The following BCORL1 variants were observed in gnomAD, a reference collection of about 807,000 sequenced individuals.
The protein encoded by BCORL1 is BCL-6 corepressor-like protein 1.
A neutral mutation model predicts 87.6 loss-of-function variants in BCORL1; 7 were observed. The observed-to-expected ratio is 0.08, with a 90% CI of 0.05 to 0.15. The LOEUF is 0.15. Among genes scored for constraint, BCORL1 ranks in the 10% least tolerant of loss-of-function variants. The probability of loss-of-function intolerance (pLI) is 1.00; values close to 1 mark genes in which losing one functional copy is unlikely to be tolerated. For synonymous variants in BCORL1, 591 were observed against 634.4 expected, an observed-to-expected ratio of 0.93 and a Z score of 1.03; for missense variants, 1,215 against 1,499.7, an observed-to-expected ratio of 0.81 and a Z score of 3.13.
chrX:129,998,855 G>C (rs1007639855), intron 1 of BCORL1, among the ~76,000 whole-genome samples: 2 of 111,050 alleles, frequency 1.8e-5, no homozygotes, highest in African/African-American at 6.5e-5. Context: ...CTGTTAATTA[G>C]CAACAGTGGG....
At position 130,013,878 on chromosome X, in the gene BCORL1, C is replaced by T. The variant is rs1232843736; in HGVS notation, c.1106C>T (p.Thr369Ile). 2 of 1,164,050 alleles carry T rather than the reference C, an allele frequency of 1.7e-6. No homozygotes were observed. Among genetic ancestry groups the T allele is most frequent in the East Asian group, 3.3e-5 (1 of 30,748 alleles). The change falls in exon 4 of 14, where the codon ACC becomes ATC. Residue 369 changes from threonine (T) to isoleucine (I), a missense_variant. Around this residue, in one of 5 missense-constraint regions of BCORL1, gnomAD observed 861 missense variants for 1,010.0 expected, o/e 0.85. Transcript: ENST00000540052. The part of the protein sequence containing the change: ...TPTPSSGPPS[T>I]PTLIPAFAPT... ...ACCCCATCTTCCGGCCCACCTTCTA[C>T]CCCCACCCTCATCCCCGCCTTTGCT...
chrX:130,047,867 C>A (rs924390666), intron 11 of BCORL1, among the ~76,000 whole-genome samples: 1 of 111,627 alleles, frequency 9.0e-6, no homozygotes, highest in Admixed American at 9.5e-5. Flanking sequence ...AACTTATGCT[C>A]TCACTCCATA....
chrX:130,056,438 C>G lies in BCORL1; in HGVS notation c.*302C>G, dbSNP rs1199201479. 6 of 239,787 alleles carry G rather than the reference C, an allele frequency of 2.5e-5. No homozygotes were observed. 19.8% of individuals were successfully genotyped at this position (239,787 alleles called of 1,213,427 possible). On this transcript the variant is annotated 3_prime_UTR_variant, in exon 14 of 14. Coordinates refer to ENST00000540052, the MANE Select transcript of BCORL1 (RefSeq NM_001379451.1). ...GGAGGTGGCGCCGGGGTCCCTTGGA[C>G]TGGCCTCCTTGTTCATGACCAAGAC...
intron 1 of BCORL1, among the ~76,000 whole-genome samples, chrX:129,989,444 CTTTTTTTTTTTTTTTTTTTT>C (rs55654985): frequency 9.0e-4 from 16 of 17,774 alleles, no homozygotes; most frequent in Admixed American, 4.7e-3. Flanking sequence ...CCGCACCCGT[CTTTTTTTTTTTTTTTTTTTT>C]TTTTTTTTTT....
chrX:129,986,874 A>C (rs1467724847), intron 1 of BCORL1, among the ~76,000 whole-genome samples: 3 of 112,085 alleles, frequency 2.7e-5, no homozygotes, highest in African/African-American at 9.7e-5. Flanking sequence ...AAAAATGTTC[A>C]GTACAGGGAG....
chrX:129,986,420 G>A (rs777603909), intron 1 of BCORL1, among the ~76,000 whole-genome samples: 5 of 111,828 alleles, frequency 4.5e-5, no homozygotes, highest in African/African-American at 6.5e-5. Flanking sequence ...CCAGGAAAGC[G>A]TAGATAAAGA....
rs1183764425 is a variant in BCORL1 at position 130,014,758 on chromosome X, G to T, written c.1986G>T (p.Leu662=). 1 of 1,211,530 alleles carries T rather than the reference G, an allele frequency of 8.3e-7. No homozygotes were observed. The highest frequency in any genetic ancestry group is 1.8e-5 in the South Asian group (1 of 56,982). ...GCAAGGCCCTCCTCTCCACAGTCCT[G>T]TCTAGGTCTCAGCGCACAACCCAGG... ...TSSKALLSTV[L]SRSQRTTQAA... Residue 662 remains leucine, a synonymous_variant, in exon 4 of 14, where the codon CTG becomes CTT. Coordinates refer to ENST00000540052, the MANE Select transcript of BCORL1 (RefSeq NM_001379451.1).
At chrX:130,042,866 G>T (rs982755577) in intron 11 of BCORL1, among the ~76,000 whole-genome samples, 5 of 108,758 alleles carry the variant, frequency 4.6e-5, no homozygotes, top group Non-Finnish European at 3.8e-5. Flanking sequence ...CCAGCTACTC[G>T]GGAGGCTGAG....
At chrX:130,010,380 A>C (rs1176377276) in intron 2 of BCORL1, 2 of 111,164 alleles carry the variant, frequency 1.8e-5, no homozygotes, top group African/African-American at 6.6e-5. Flanking sequence ...GTGGTCTCTT[A>C]GGAGTTGATG....
chrX:130,005,632 T>TTGAGAC (rs1209101111), intron 2 of BCORL1, among the ~76,000 whole-genome samples: 6 of 110,878 alleles, frequency 5.4e-5, no homozygotes, highest in Non-Finnish European at 9.4e-5. Flanking sequence ...TTTTTGTTTT[T>TTGAGAC]TGAGACAGAG....
At chrX:129,983,025 C>CT (rs1303459675) in intron 1 of BCORL1, among the ~76,000 whole-genome samples, 1 of 109,357 alleles carries the variant, frequency 9.1e-6, no homozygotes, top group Non-Finnish European at 1.9e-5. Flanking sequence ...GGCCGCTCGG[C>CT]TTGCCCCCCG....
chrX:130,024,850 C>T (rs1930130432), intron 6 of BCORL1, 140 bp from the exon 7 acceptor site: 1 of 914,547 alleles, frequency 1.1e-6, no homozygotes, highest in Non-Finnish European at 1.5e-6. Flanking sequence ...AAGGAACTTT[C>T]CCGAACGGTA....
At chrX:129,988,850 A>G (rs1277173685) in intron 1 of BCORL1, among the ~76,000 whole-genome samples, 1 of 112,070 alleles carries the variant, frequency 8.9e-6, no homozygotes, top group Non-Finnish European at 1.9e-5. Flanking sequence ...GAGAACAAGC[A>G]GATTTTTGCT....
At chrX:130,023,629 G>A (rs1263151572) in intron 6 of BCORL1, among the ~76,000 whole-genome samples, 1 of 112,139 alleles carries the variant, frequency 8.9e-6, no homozygotes, top group Non-Finnish European at 1.9e-5. Context: ...TCTAGTAACC[G>A]GCACCTTAGC....
At chrX:130,026,397 A>T (rs1178975660) in intron 7 of BCORL1, among the ~76,000 whole-genome samples, 1 of 112,600 alleles carries the variant, frequency 8.9e-6, no homozygotes, top group Admixed American at 9.4e-5. Flanking sequence ...TCTACGCTCA[A>T]GAGAGTAATT....
In BCORL1 at chrX:130,003,434, A is replaced by G. The variant is rs138749142; in HGVS notation, c.-44-1754A>G. Among the ~76,000 whole-genome samples, 193 of 103,984 alleles carry G rather than the reference A, an allele frequency of 1.9e-3. No homozygotes were observed. The Middle Eastern group carries it at 0.03, about 16-fold the overall frequency. 90.3% of individuals were successfully genotyped at this position (103,984 alleles called of 115,157 possible). ...GTTGCCCAGGTTGGAGTGCAATGGC[A>G]TGGTATCAGCTCGCCGCAACCTCTG... On this transcript the variant is annotated intron_variant, in intron 1 of 13. Coordinates refer to ENST00000540052, the MANE Select transcript of BCORL1 (RefSeq NM_001379451.1).
intron 11 of BCORL1, among the ~76,000 whole-genome samples, chrX:130,040,501 A>G (rs1321263208): frequency 1.8e-5 from 2 of 112,207 alleles, no homozygotes; most frequent in African/African-American, 6.5e-5. Flanking sequence ...TGAGCTGACT[A>G]AACCTTGGAG....
Position 130,057,506 on chromosome X carries a change from C to A in BCORL1, c.*1370C>A, listed in dbSNP as rs1437740165. 8.9e-6 allele frequency: 1 copy of A among 112,009 alleles called. No individual in the cohort carries two copies. The highest frequency in any genetic ancestry group is 1.9e-5 in the Non-Finnish European group (1 of 53,150). The allele number at this position is 112,009 out of a possible 1,213,427, so 9.2% of individuals were successfully genotyped here. A position where few individuals can be genotyped will look rare whatever the true frequency, so the allele number is the denominator to read the frequency against. On this transcript the variant is annotated 3_prime_UTR_variant, in exon 14 of 14. Transcript: ENST00000540052. ...TTCTACCAATTGCTATTTTTCCGAA[C>A]AATCCTTGTAGAGTATGTACCATCC...
rs1926223426 is a variant in BCORL1, at chrX:129,982,757, A to T, written c.-50A>T. The T allele has an allele frequency of 9.1e-6, 1 of 109,531 alleles. No individual in the cohort carries two copies. The highest frequency in any genetic ancestry group is 3.3e-5 in the African/African-American group (1 of 29,924). 9.0% of individuals were successfully genotyped at this position (109,531 alleles called of 1,213,427 possible). On this transcript the variant is annotated 5_prime_UTR_variant, in exon 1 of 14. Coordinates refer to ENST00000540052, the MANE Select transcript of BCORL1 (RefSeq NM_001379451.1). Reference sequence around the variant, plus strand: ...CGCCGCCGCCGCCGAGAGAGAGGAGAAGGAGGTCGGTGGCGATAAGGGGCG... The same window carrying T: ...CGCCGCCGCCGCCGAGAGAGAGGAGTAGGAGGTCGGTGGCGATAAGGGGCG...
Sources: gnomAD v4.1 joint callset for allele counts (sites outside exome capture counted in the v4.1 genomes callset) on GRCh38, gnomAD v4.1.1 for gene constraint, gnomAD v4.1.1 regional missense constraint, MANE v1.5 for transcripts, NCBI Gene and HGNC (gene_info 2026-07-23, HGNC 2026-07-21) for gene names.